The following EPB41 variants were observed in gnomAD, a reference collection of about 807,000 sequenced individuals.
EPB41 encodes the protein protein 4.1.
A neutral mutation model predicts 108.0 loss-of-function variants in EPB41; 65 were observed. The observed-to-expected ratio is 0.60, with a 90% CI of 0.49 to 0.74. The LOEUF is 0.74. Ranked by LOEUF, EPB41 falls within the 30% of genes least tolerant of loss-of-function variation. EPB41 has a pLI of 0.00. For synonymous variants in EPB41, 336 were observed against 358.9 expected (o/e 0.94, Z 0.72); for missense variants, 875 against 1,037.0 (o/e 0.84, Z 2.15).
chr1:29,001,775 A>G (rs1301555577), intron 4 of EPB41, among the ~76,000 whole-genome samples: 14 of 152,078 alleles, frequency 9.2e-5, no homozygotes, highest in Admixed American at 9.2e-4. Context: ...CCTTTACACA[A>G]TCAAGCGAGT....
Position 29,015,587 on chromosome 1 carries a change from AAAAG to A in EPB41, c.830-97_830-94del, listed in dbSNP as rs577498012. On this transcript the variant is annotated intron_variant, in intron 5 of 20. Transcript: ENST00000343067. ...GAGACTCCGTCTCAAAGAAAAAAAA[AAAAG>A]AAAGAAAAAGAAAAAGAGAAATGTT... The A allele has an allele frequency of 1.2e-4, 95 of 814,752 alleles. No individual in the cohort carries two copies. The South Asian group carries it at 1.4e-3, about 12-fold the overall frequency. The allele number at this position is 814,752 out of a possible 1,614,324, so 50.5% of individuals were successfully genotyped here. A position where few individuals can be genotyped will look rare whatever the true frequency, so the allele number is the denominator to read the frequency against.
chr1:29,027,794 A>G (rs2096740097), intron 7 of EPB41, among the ~76,000 whole-genome samples: 1 of 152,110 alleles, frequency 6.6e-6, no homozygotes, highest in South Asian at 2.1e-4. Flanking sequence ...TATAAATATT[A>G]TTTTCAACTA....
At chr1:29,034,973 G>GTTTTTT (rs10580931) in intron 9 of EPB41, among the ~76,000 whole-genome samples, 12 of 87,186 alleles carry the variant, frequency 1.4e-4, no homozygotes, top group Non-Finnish European at 2.0e-4. Flanking sequence ...TTTGTTTGTT[G>GTTTTTT]TTTTTTTTTT....
At chr1:29,116,376 T>C (rs1201800939) in intron 20 of EPB41, among the ~76,000 whole-genome samples, 1 of 152,132 alleles carries the variant, frequency 6.6e-6, no homozygotes, top group Non-Finnish European at 1.5e-5. Flanking sequence ...CTCGAACTCC[T>C]GACCTCAAAT....
At chr1:28,960,908 C>T (rs961803924) in intron 1 of EPB41, among the ~76,000 whole-genome samples, 1 of 151,732 alleles carries the variant, frequency 6.6e-6, no homozygotes, top group African/African-American at 2.4e-5. Flanking sequence ...GTGGCAGACA[C>T]CTGTACTCCC....
intron 1 of EPB41, among the ~76,000 whole-genome samples, chr1:28,929,843 C>CTTT (rs56337991): frequency 0.025 from 2,495 of 101,100 alleles, 28 homozygotes; most frequent in Non-Finnish European, 0.041. Context: ...ACTGGGCCTT[C>CTTT]TTTTTTTTTT....
At chr1:28,911,608 C>T (rs1045947644), upstream of EPB41, among the ~76,000 whole-genome samples, 1 of 152,184 alleles carries the variant, frequency 6.6e-6, no homozygotes, top group African/African-American at 2.4e-5. Flanking sequence ...GGTAATTGGT[C>T]TTCTATACTC....
chr1:29,009,452 A>C (rs141234531), intron 4 of EPB41, among the ~76,000 whole-genome samples: 1 of 152,278 alleles, frequency 6.6e-6, no homozygotes, highest in Non-Finnish European at 1.5e-5. Context: ...CAGACTCAGA[A>C]TGGTTCATAG....
At chr1:28,897,037 T>G (rs542932349) in intron 1 of EPB41, among the ~76,000 whole-genome samples, 1 of 152,244 alleles carries the variant, frequency 6.6e-6, no homozygotes, top group East Asian at 1.9e-4. Flanking sequence ...ACCTTTCCCC[T>G]CAGTTTCCCA....
intron 16 of EPB41, among the ~76,000 whole-genome samples, chr1:29,089,448 T>C (rs1660407979): frequency 6.6e-6 from 1 of 152,208 alleles, no homozygotes; most frequent in African/African-American, 2.4e-5. Context: ...AGTAAGACAG[T>C]AACAAGTTCT....
At chr1:29,029,899 G>T (rs1230369078) in intron 7 of EPB41, among the ~76,000 whole-genome samples, 3 of 152,176 alleles carry the variant, frequency 2.0e-5, no homozygotes, top group Non-Finnish European at 4.4e-5. Flanking sequence ...AGAGTCCTCA[G>T]TTAAGTAACA....
chr1:29,053,066 G>A (rs1056221128), intron 11 of EPB41, 38 bp from the exon 12 acceptor site: 1 of 1,606,478 alleles, frequency 6.2e-7, no homozygotes, highest in African/African-American at 1.3e-5. Context: ...AGTAGCTCTG[G>A]CCTTTACTTA....
intron 16 of EPB41, chr1:29,096,649 A>T (rs947008807): frequency 4.2e-6 from 4 of 954,622 alleles, no homozygotes; most frequent in Non-Finnish European, 5.0e-6. Context: ...TGTCTTTGGA[A>T]GAGGGCCAGA....
chr1:28,897,904 C>G (rs542002345), intron 1 of EPB41, among the ~76,000 whole-genome samples: 1 of 152,088 alleles, frequency 6.6e-6, no homozygotes, highest in African/African-American at 2.4e-5. Flanking sequence ...TCCTTAAGGA[C>G]GAACTGCCAT....
chr1:28,997,366 T>A, intron 4 of EPB41, 47 bp downstream of exon 4: 2 of 1,175,610 alleles, frequency 1.7e-6, no homozygotes, highest in Non-Finnish European at 2.6e-6. Context: ...AAATTTATTT[T>A]AATTCTTTTG....
chr1:29,092,975 T>G, intron 16 of EPB41, among the ~76,000 whole-genome samples: 1 of 152,184 alleles, frequency 6.6e-6, no homozygotes. Flanking sequence ...TAGGTTGATT[T>G]CATATATTTG....
At chr1:28,929,473 G>A (rs2093621448) in intron 1 of EPB41, among the ~76,000 whole-genome samples, 1 of 151,536 alleles carries the variant, frequency 6.6e-6, no homozygotes, top group African/African-American at 2.4e-5. Flanking sequence ...CTTGTGATCC[G>A]CCCGCCTCGG....
At chr1:28,981,063 G>A (rs997758948) in intron 1 of EPB41, among the ~76,000 whole-genome samples, 2 of 152,126 alleles carry the variant, frequency 1.3e-5, no homozygotes, top group African/African-American at 4.8e-5. Context: ...GTGAGCCACC[G>A]TGCCTGTCCT....
At chr1:28,979,415 T>C (rs1484146809) in intron 1 of EPB41, among the ~76,000 whole-genome samples, 1 of 151,508 alleles carries the variant, frequency 6.6e-6, no homozygotes, top group Non-Finnish European at 1.5e-5. Flanking sequence ...CCAAATTATA[T>C]TCAATTGTGT....
Sources: allele counts gnomAD v4.1 joint callset (sites outside exome capture counted in the v4.1 genomes callset), GRCh38; gene constraint gnomAD v4.1.1; transcripts MANE v1.5; gene names NCBI Gene and HGNC (gene_info 2026-07-23, HGNC 2026-07-21).